PSD3: variants seen among roughly 807,000 people sequenced by gnomAD.
PSD3 encodes the protein PH and SEC7 domain-containing protein 3.
PSD3 carries 49 observed loss-of-function variants against 105.5 expected under a neutral mutation model. The observed-to-expected ratio is 0.46, with a 90% confidence interval of 0.37 to 0.59. The LOEUF (loss-of-function observed/expected upper bound fraction) is 0.59. Among genes scored for constraint, PSD3 ranks in the 20% least tolerant of loss-of-function variants. The probability of loss-of-function intolerance (pLI) is 0.00; values close to 1 mark genes in which losing one functional copy is unlikely to be tolerated. For synonymous variants in PSD3, 557 were observed against 457.8 expected (o/e 1.22, Z -2.77); for missense variants, 1,561 against 1,263.8 (o/e 1.24, Z -3.57).
chr8:19,084,078 C>G (rs553595141), intron 1 of PSD3: 1 of 349,978 alleles, frequency 2.9e-6, no homozygotes, highest in African/African-American at 2.1e-5. Flanking sequence ...TCGTGGGTAC[C>G]TCTGCTGTTG....
chr8:19,066,105 T>C (rs1829067673), intron 1 of PSD3, among the ~76,000 whole-genome samples: 1 of 152,240 alleles, frequency 6.6e-6, no homozygotes, highest in African/African-American at 2.4e-5. Context: ...TTAGATGGGA[T>C]GCTGCCCAAT....
intron 4 of PSD3, among the ~76,000 whole-genome samples, chr8:18,842,921 C>G (rs917159647): frequency 6.6e-6 from 1 of 152,150 alleles, no homozygotes; most frequent in Non-Finnish European, 1.5e-5. Flanking sequence ...ACACATGGAA[C>G]CAGGCATGGA....
chr8:18,759,092 A>ACACACACACACACACACACTCTCT (rs756248977), intron 9 of PSD3, among the ~76,000 whole-genome samples: 14 of 143,864 alleles, frequency 9.7e-5, no homozygotes, highest in Non-Finnish European at 1.5e-4. Context: ...ACACACACAC[A>ACACACACACACACACACACTCTCT]CTCTCTCTCT....
intron 9 of PSD3, chr8:18,683,841 C>T (rs1416156919): frequency 1.3e-6 from 1 of 765,160 alleles, no homozygotes; most frequent in Non-Finnish European, 2.4e-6. Context: ...GTGAGACTGC[C>T]GCCGGATAGA....
At chr8:18,553,080 C>A (rs1280539421) in intron 15 of PSD3, among the ~76,000 whole-genome samples, 4 of 152,132 alleles carry the variant, frequency 2.6e-5, no homozygotes. Flanking sequence ...TCAAAGCAAC[C>A]TGGGATTTAA....
intron 9 of PSD3, among the ~76,000 whole-genome samples, chr8:18,680,791 G>A (rs1368622369): frequency 6.6e-6 from 1 of 152,098 alleles, no homozygotes; most frequent in Non-Finnish European, 1.5e-5. Context: ...TTCAGACGAG[G>A]TCAATATGAA....
intron 1 of PSD3, among the ~76,000 whole-genome samples, chr8:19,022,725 G>A (rs1156559277): frequency 2.6e-5 from 4 of 152,172 alleles, no homozygotes; most frequent in African/African-American, 9.7e-5. Flanking sequence ...GTAGCACCCA[G>A]CTCTCTTCCA....
At chr8:18,824,977 T>C (rs1813056404) in intron 4 of PSD3, among the ~76,000 whole-genome samples, 1 of 152,062 alleles carries the variant, frequency 6.6e-6, no homozygotes, top group Admixed American at 6.5e-5. Context: ...CTCTGAAAAA[T>C]CAAAGCTATA....
rs574017869 is a variant in PSD3 at position 18,836,636 on chromosome 8, C to T, written c.1634+31038G>A. On this transcript the variant is annotated intron_variant, in intron 4 of 15. Coordinates refer to ENST00000327040, the MANE Select transcript of PSD3 (RefSeq NM_015310.4). ...CTTTCTGGATACCACAATTTATGGA[C>T]GCTCCAGACCTTTATATAAAATGGT... Among the ~76,000 whole-genome samples the T allele has an allele frequency of 9.2e-5, 14 of 152,276 alleles. No homozygotes were observed. The East Asian group carries it at 2.3e-3, about 25-fold the overall frequency.
rs1004011573 is a variant in PSD3 at position 18,912,286 on chromosome 8, C to T, written c.130+23748G>A. Among the ~76,000 whole-genome samples, 12 of 152,192 alleles carry T rather than the reference C, an allele frequency of 7.9e-5. 1 individual carries two copies. Among genetic ancestry groups the T allele is most frequent in the East Asian group, 5.8e-4 (3 of 5,176 alleles). On this transcript the variant is annotated intron_variant, in intron 2 of 15. Coordinates refer to ENST00000327040, the MANE Select transcript of PSD3 (RefSeq NM_015310.4). ...AGAAAGAACAAAAGAGTATTAACTC[C>T]GAAACAAATCTGAAGGAAATCTGCT...
At chr8:18,827,418 C>T (rs181755350) in intron 4 of PSD3, among the ~76,000 whole-genome samples, 2 of 152,140 alleles carry the variant, frequency 1.3e-5, no homozygotes, top group Non-Finnish European at 2.9e-5. Context: ...CTACAGGGTG[C>T]GAAGATGGGG....
At chr8:18,539,531 G>A (rs975391613) in intron 15 of PSD3, among the ~76,000 whole-genome samples, 1 of 150,606 alleles carries the variant, frequency 6.6e-6, no homozygotes, top group Admixed American at 6.6e-5. Flanking sequence ...GCAGCAAGAA[G>A]TATATTAGTA....
chr8:18,546,161 A>G (rs1337233337), intron 15 of PSD3, among the ~76,000 whole-genome samples: 1 of 152,032 alleles, frequency 6.6e-6, no homozygotes, highest in Non-Finnish European at 1.5e-5. Flanking sequence ...ATGCCCGCCT[A>G]ATATTTTGTA....
chr8:18,902,730 G>C (rs1586373845), intron 2 of PSD3, among the ~76,000 whole-genome samples: 2 of 152,220 alleles, frequency 1.3e-5, no homozygotes, highest in Admixed American at 6.5e-5. Flanking sequence ...ACTGTTTCCA[G>C]ACAGGTGCAG....
At chr8:18,563,805 G>C (rs1801556457) in intron 14 of PSD3, among the ~76,000 whole-genome samples, 1 of 152,160 alleles carries the variant, frequency 6.6e-6, no homozygotes, top group Non-Finnish European at 1.5e-5. Flanking sequence ...TCAGTTAAGG[G>C]TAAGTGACAT....
At chr8:18,602,658 C>G (rs181908129) in intron 11 of PSD3, among the ~76,000 whole-genome samples, 1 of 152,014 alleles carries the variant, frequency 6.6e-6, no homozygotes, top group Non-Finnish European at 1.5e-5. Flanking sequence ...ACTATTGATA[C>G]TTCCATCTTA....
intron 4 of PSD3, among the ~76,000 whole-genome samples, chr8:18,813,555 G>T (rs1811905391): frequency 1.3e-5 from 2 of 152,200 alleles, no homozygotes; most frequent in African/African-American, 2.4e-5. Flanking sequence ...TGTTACAACA[G>T]AAGAATTCAG....
At chr8:18,894,917 A>G (rs1417928277) in intron 2 of PSD3, among the ~76,000 whole-genome samples, 2 of 152,198 alleles carry the variant, frequency 1.3e-5, no homozygotes, top group African/African-American at 4.8e-5. Flanking sequence ...TTTTGTATGA[A>G]GTGTTAAAGC....
intron 1 of PSD3, among the ~76,000 whole-genome samples, chr8:18,945,982 T>G (rs757639191): frequency 6.6e-6 from 1 of 152,004 alleles, no homozygotes; most frequent in African/African-American, 2.4e-5. Flanking sequence ...CCAAAAAAAA[T>G]TAATAAATAA....
Sources: allele counts gnomAD v4.1 joint callset (sites outside exome capture counted in the v4.1 genomes callset), GRCh38; gene constraint gnomAD v4.1.1; transcripts MANE v1.5; gene names NCBI Gene and HGNC (gene_info 2026-07-23, HGNC 2026-07-21).